The following DNAAF4 variants were observed in gnomAD, a reference collection of about 807,000 sequenced individuals.
The protein encoded by DNAAF4 is dynein axonemal assembly factor 4.
DNAAF4 carries 43 observed loss-of-function variants against 51.8 expected under a neutral mutation model. The ratio of observed to expected loss-of-function variants is 0.83; its 90% CI spans 0.65 to 1.07. The LOEUF (loss-of-function observed/expected upper bound fraction) is 1.07, where lower values mean the gene tolerates loss of function less well. Ranked by LOEUF, DNAAF4 falls within the 50% of genes least tolerant of loss-of-function variation. The pLI, the probability that DNAAF4 is intolerant of heterozygous loss-of-function variation, is 0.00. For synonymous variants in DNAAF4, 194 were observed against 165.6 expected (o/e 1.17, Z -1.32); for missense variants, 581 against 493.0 (o/e 1.18, Z -1.69).
At chr15:55,455,181 G>A (rs1388999920) in intron 5 of DNAAF4, among the ~76,000 whole-genome samples, 1 of 148,178 alleles carries the variant, frequency 6.7e-6, no homozygotes, top group Non-Finnish European at 1.5e-5. Flanking sequence ...TTTAGGGGAA[G>A]TTTTACTAAG....
At chr15:55,419,065 C>T (rs1050966015) in intron 7 of DNAAF4, among the ~76,000 whole-genome samples, 3 of 151,864 alleles carry the variant, frequency 2.0e-5, no homozygotes, top group African/African-American at 7.3e-5. Context: ...TACAGGCACT[C>T]GCCACTACAC....
intron 4 of DNAAF4, among the ~76,000 whole-genome samples, chr15:55,467,767 G>A (rs1057299068): frequency 1.4e-4 from 21 of 152,138 alleles, no homozygotes; most frequent in Middle Eastern, 3.4e-3. Flanking sequence ...CAAAACCTAT[G>A]TTTGCACTAG....
chr15:55,467,584 T>G (rs530050117), intron 4 of DNAAF4, among the ~76,000 whole-genome samples: 27 of 151,776 alleles, frequency 1.8e-4, no homozygotes, highest in Admixed American at 1.5e-3. Context: ...AACACATATA[T>G]TCAAACATTT....
At chr15:55,480,136 A>G (rs1397693403) in intron 4 of DNAAF4, among the ~76,000 whole-genome samples, 1 of 151,548 alleles carries the variant, frequency 6.6e-6, no homozygotes, top group East Asian at 1.9e-4. Flanking sequence ...CTGTTCTTAC[A>G]CCCCCTTTTT....
chr15:55,496,523 G>T (rs1335270911), intron 3 of DNAAF4, among the ~76,000 whole-genome samples: 1 of 152,122 alleles, frequency 6.6e-6, no homozygotes, highest in Non-Finnish European at 1.5e-5. Flanking sequence ...TAAAAAAAGG[G>T]TAATAATACC....
chr15:55,492,904 G>A (rs2058593926), intron 3 of DNAAF4, among the ~76,000 whole-genome samples: 1 of 152,100 alleles, frequency 6.6e-6, no homozygotes, highest in Non-Finnish European at 1.5e-5. Context: ...GTCTAATATT[G>A]TAATTTCAAA....
chr15:55,458,394 C>T (rs2058049819), intron 5 of DNAAF4, among the ~76,000 whole-genome samples: 1 of 152,068 alleles, frequency 6.6e-6, no homozygotes, highest in Admixed American at 6.5e-5. Context: ...ATGCAAAATA[C>T]ACTGGAAAGT....
chr15:55,461,562 C>A (rs903091313), intron 5 of DNAAF4, among the ~76,000 whole-genome samples: 3 of 152,052 alleles, frequency 2.0e-5, no homozygotes, highest in Non-Finnish European at 4.4e-5. Flanking sequence ...GAAATCAAGA[C>A]GGAAATTTTA....
chr15:55,480,094 C>T (rs1268988475), intron 4 of DNAAF4, among the ~76,000 whole-genome samples: 3 of 151,886 alleles, frequency 2.0e-5, no homozygotes, highest in African/African-American at 7.3e-5. Flanking sequence ...TGCTTGTTGC[C>T]CTTTGAAGCA....
intron 1 of DNAAF4, among the ~76,000 whole-genome samples, chr15:55,505,032 G>A (rs1161517002): frequency 6.6e-6 from 1 of 151,902 alleles, no homozygotes; most frequent in East Asian, 1.9e-4. Context: ...TCTGACAAAG[G>A]GCTAATATCC....
chr15:55,434,709 T>C (rs1166964678), intron 8 of DNAAF4, among the ~76,000 whole-genome samples, 196 bp downstream of exon 8: 2 of 150,890 alleles, frequency 1.3e-5, no homozygotes, highest in African/African-American at 2.4e-5. Flanking sequence ...TAACTATTCA[T>C]AGAAGTCACA....
At chr15:55,421,730 T>C (rs1189429255) in intron 7 of DNAAF4, among the ~76,000 whole-genome samples, 4 of 150,044 alleles carry the variant, frequency 2.7e-5, no homozygotes, top group Non-Finnish European at 4.4e-5. Context: ...CCACTAAAAA[T>C]ACAAAAAAAA....
chr15:55,435,571 A>C (rs1456609622), intron 7 of DNAAF4, among the ~76,000 whole-genome samples: 3 of 152,200 alleles, frequency 2.0e-5, no homozygotes, highest in Non-Finnish European at 2.9e-5. Flanking sequence ...CCTTCATGAT[A>C]CAGTTAAGCT....
chr15:55,423,225 AG>A (rs1287136259), intron 7 of DNAAF4, among the ~76,000 whole-genome samples: 1 of 150,008 alleles, frequency 6.7e-6, no homozygotes, highest in Non-Finnish European at 1.5e-5. Flanking sequence ...TTTTTGAGTC[AG>A]GGTCTCCCTC....
chr15:55,502,318 AT>A (rs763016226), intron 1 of DNAAF4, among the ~76,000 whole-genome samples: 2 of 152,154 alleles, frequency 1.3e-5, no homozygotes, highest in East Asian at 1.9e-4. Context: ...GCTACCCCAA[AT>A]TATGACACTT....
At chr15:55,438,402 A>G (rs548023770) in intron 7 of DNAAF4, among the ~76,000 whole-genome samples, 2 of 151,956 alleles carry the variant, frequency 1.3e-5, no homozygotes, top group Non-Finnish European at 2.9e-5. Context: ...CTGCCCAGAT[A>G]TAAGATAATT....
Position 55,422,113 on chromosome 15 carries a change from A to G in DNAAF4, c.1048-3980T>C, listed in dbSNP as rs1431468453. On this transcript the variant is annotated intron_variant, in intron 7 of 7. Transcript: ENST00000448430. Reference sequence around the variant, plus strand: ...ATGCATAAATAACATGATAACATACATAGGTAACTATGTAAATATATATGG... The same window carrying G: ...ATGCATAAATAACATGATAACATACGTAGGTAACTATGTAAATATATATGG... Among the ~76,000 whole-genome samples the G allele has an allele frequency of 2.6e-5, 4 of 152,196 alleles. No homozygotes were observed. The East Asian group carries it at 5.8e-4, about 22-fold the overall frequency.
chr15:55,487,069 T>C (rs1251493325), intron 4 of DNAAF4, among the ~76,000 whole-genome samples: 3 of 152,152 alleles, frequency 2.0e-5, no homozygotes, highest in Non-Finnish European at 2.9e-5. Context: ...CTATAACCTT[T>C]GAGAAATTTT....
At chr15:55,495,402 A>G (rs2058627984) in intron 3 of DNAAF4, among the ~76,000 whole-genome samples, 1 of 148,670 alleles carries the variant, frequency 6.7e-6, no homozygotes, top group African/African-American at 2.4e-5. Context: ...TCTACCCTCA[A>G]GAGTCCATAT....
Sources: allele counts gnomAD v4.1 joint callset (sites outside exome capture counted in the v4.1 genomes callset), GRCh38; gene constraint gnomAD v4.1.1; transcripts MANE v1.5; gene names NCBI Gene and HGNC (gene_info 2026-07-23, HGNC 2026-07-21).